GARIN3: variants seen among roughly 807,000 people sequenced by gnomAD.
The protein encoded by GARIN3 is Golgi-associated RAB2 interactor protein 3.
chr5:157,163,985 A>T, the GARIN3 span, among the ~76,000 whole-genome samples: 27,553 of 151,936 alleles, frequency 0.18, 3,184 homozygotes, highest in African/African-American at 0.33. Context: ...TGAACTCAGA[A>T]GGCAGAGGCT....
At chr5:157,162,996 T>A in the GARIN3 span, 2 of 1,614,258 alleles carry the variant, frequency 1.2e-6, no homozygotes, top group Non-Finnish European at 1.7e-6. Context: ...CATTCCAGAC[T>A]TCAGCACTGG....
chr5:157,166,148 T>C, the GARIN3 span: 4 of 1,611,280 alleles, frequency 2.5e-6, no homozygotes, highest in Non-Finnish European at 3.4e-6. Context: ...TGTAATAAGG[T>C]AAACAAGATT....
chr5:157,162,417 TC>T, the GARIN3 span: 1 of 1,600,070 alleles, frequency 6.2e-7, no homozygotes, highest in Non-Finnish European at 8.5e-7. Flanking sequence ...TACTTCCAGA[TC>T]CCTGGGCGGT....
the GARIN3 span, among the ~76,000 whole-genome samples, chr5:157,165,124 A>G: frequency 6.6e-6 from 1 of 152,208 alleles, no homozygotes; most frequent in Non-Finnish European, 1.5e-5. Flanking sequence ...GGTACAATGT[A>G]TATTATTCAG....
chr5:157,162,353 T>C, the GARIN3 span: 1 of 1,491,212 alleles, frequency 6.7e-7, no homozygotes, highest in Non-Finnish European at 9.0e-7. Context: ...GTTGTACGAT[T>C]TCCTTTATTA....
chr5:157,165,640 G>A, the GARIN3 span: 1 of 1,614,156 alleles, frequency 6.2e-7, no homozygotes, highest in South Asian at 1.1e-5. Flanking sequence ...TCTACTGGTG[G>A]CCTCAGGAGA....
At chr5:157,163,926 G>A in the GARIN3 span, among the ~76,000 whole-genome samples, 2 of 152,038 alleles carry the variant, frequency 1.3e-5, no homozygotes, top group Admixed American at 6.6e-5. Context: ...ACAGGATGGC[G>A]CATGCCTGTA....
At chr5:157,165,454 A>C in the GARIN3 span, 1 of 1,492,684 alleles carries the variant, frequency 6.7e-7, no homozygotes, top group Non-Finnish European at 8.9e-7. Flanking sequence ...TGCACATGCA[A>C]TACTTTTTCC....
chr5:157,165,926 G>A, the GARIN3 span: 22 of 1,614,214 alleles, frequency 1.4e-5, 2 homozygotes, highest in African/African-American at 6.7e-5. Flanking sequence ...CAGGCAGTGG[G>A]AGGATGGGGC....
At chr5:157,163,510 G>A in the GARIN3 span, 78 of 1,614,070 alleles carry the variant, frequency 4.8e-5, no homozygotes, top group Admixed American at 1.2e-4. Flanking sequence ...TGGAGTGCTC[G>A]TGGATGGAGA....
At chr5:157,166,184 A>T in the GARIN3 span, 1 of 1,591,854 alleles carries the variant, frequency 6.3e-7, no homozygotes. Context: ...TCTTCGTTTA[A>T]GACAGCTCCA....
the GARIN3 span, chr5:157,162,443 C>G: frequency 1.9e-6 from 3 of 1,611,950 alleles, no homozygotes; most frequent in African/African-American, 1.3e-5. Context: ...GCCCTGGCTC[C>G]TCTTTAAATG....
At chr5:157,162,257 C>T in the GARIN3 span, 3 of 836,936 alleles carry the variant, frequency 3.6e-6, no homozygotes, top group Non-Finnish European at 5.5e-6. Flanking sequence ...CCAGCTGTAG[C>T]ATAGCCACCA....
At chr5:157,164,903 C>T in the GARIN3 span, among the ~76,000 whole-genome samples, 3 of 151,964 alleles carry the variant, frequency 2.0e-5, no homozygotes, top group African/African-American at 4.8e-5. Flanking sequence ...GCCTGTAATC[C>T]CAGCTACTCA....
At chr5:157,164,065 AAAAGAAAG>A in the GARIN3 span, among the ~76,000 whole-genome samples, 443 of 152,148 alleles carry the variant, frequency 2.9e-3, 2 homozygotes, top group African/African-American at 9.9e-3. Flanking sequence ...CTGTTTAAAA[AAAAGAAAG>A]AAAGAAAGAA....
At chr5:157,165,908 C>T in the GARIN3 span, 3 of 1,614,214 alleles carry the variant, frequency 1.9e-6, no homozygotes, top group Admixed American at 3.3e-5. Flanking sequence ...GGGCCAGAAC[C>T]ATGACGTCAG....
At chr5:157,165,605 A>T in the GARIN3 span, 2 of 1,613,788 alleles carry the variant, frequency 1.2e-6, no homozygotes, top group Non-Finnish European at 1.7e-6. Flanking sequence ...CCCCAGATAG[A>T]AGTGTTGGGG....
chr5:157,163,773 G>A, the GARIN3 span: 21 of 1,397,734 alleles, frequency 1.5e-5, no homozygotes, highest in Admixed American at 4.7e-4. Context: ...AGAAGAACCT[G>A]GGTCGGGTGT....
chr5:157,163,155 G>T, the GARIN3 span: 4 of 1,614,176 alleles, frequency 2.5e-6, no homozygotes, highest in Non-Finnish European at 3.4e-6. Context: ...CACTCAAGCT[G>T]CTGTCTTGGG....
Sources: gnomAD v4.1 joint callset for allele counts (sites outside exome capture counted in the v4.1 genomes callset) on GRCh38, gnomAD v4.1.1 for gene constraint, MANE v1.5 for transcripts, NCBI Gene and HGNC (gene_info 2026-07-23, HGNC 2026-07-21) for gene names.